TOX3: variants seen among roughly 807,000 people sequenced by gnomAD.
TOX3 encodes TOX high mobility group box family member 3, also known as CAG trinucleotide repeat-containing gene F9 protein.
TOX3 carries 22 observed loss-of-function variants against 64.3 expected under a neutral mutation model. That is an observed-to-expected ratio of 0.34 (90% CI 0.24 to 0.49). The LOEUF is 0.49. Ranked by LOEUF, TOX3 falls within the 20% of genes least tolerant of loss-of-function variation. The pLI is 0.99. For synonymous variants in TOX3, 291 were observed against 273.6 expected, an observed-to-expected ratio of 1.06 and a Z score of -0.63; for missense variants, 661 against 714.4, an observed-to-expected ratio of 0.93 and a Z score of 0.85.
At chr16:52,536,508 G>A (rs1308523075) in intron 1 of TOX3, among the ~76,000 whole-genome samples, 7 of 150,094 alleles carry the variant, frequency 4.7e-5, no homozygotes, top group Admixed American at 1.3e-4. Context: ...AGAAAATGAG[G>A]TAGGAAAAGT....
At chr16:52,502,337 T>C (rs1962025767) in intron 1 of TOX3, among the ~76,000 whole-genome samples, 1 of 152,228 alleles carries the variant, frequency 6.6e-6, no homozygotes, top group Non-Finnish European at 1.5e-5. Context: ...TGTCCTCATA[T>C]GTTAGCCAGA....
intron 1 of TOX3, among the ~76,000 whole-genome samples, chr16:52,471,138 T>C (rs1410326417): frequency 6.6e-6 from 1 of 152,166 alleles, no homozygotes; most frequent in Non-Finnish European, 1.5e-5. Context: ...CCATGCACTA[T>C]TTGGGGTATA....
At chr16:52,532,530 A>T (rs1291058693) in intron 1 of TOX3, among the ~76,000 whole-genome samples, 1 of 152,358 alleles carries the variant, frequency 6.6e-6, no homozygotes. Flanking sequence ...CAAACACATA[A>T]GAGACCCAGA....
At chr16:52,534,162 G>C (rs1309195735) in intron 1 of TOX3, among the ~76,000 whole-genome samples, 1 of 152,154 alleles carries the variant, frequency 6.6e-6, no homozygotes, top group Non-Finnish European at 1.5e-5. Flanking sequence ...CGCAGCAAAG[G>C]CCCAGGGACA....
chr16:52,539,644 T>C (rs1963032917), intron 1 of TOX3, among the ~76,000 whole-genome samples: 1 of 152,216 alleles, frequency 6.6e-6, no homozygotes, highest in Non-Finnish European at 1.5e-5. Context: ...TCTGCTTTAC[T>C]ACAAACAGAA....
chr16:52,483,706 T>C (rs1961430274), intron 1 of TOX3, among the ~76,000 whole-genome samples: 1 of 151,488 alleles, frequency 6.6e-6, no homozygotes, highest in Non-Finnish European at 1.5e-5. Context: ...GTAGCTTGGA[T>C]TACAGGTGCC....
At chr16:52,458,634 A>G (rs1960599724) in intron 3 of TOX3, among the ~76,000 whole-genome samples, 1 of 152,224 alleles carries the variant, frequency 6.6e-6, no homozygotes, top group Admixed American at 6.5e-5. Flanking sequence ...ATCACACTGC[A>G]CAAGGTCTAA....
rs574634087 is a variant in TOX3 at position 52,510,778 on chromosome 16, A to AAAAAAAG, written c.87+35858_87+35859insCTTTTTT. 7.3e-3 allele frequency among the ~76,000 whole-genome samples: 836 copies of AAAAAAAG among 114,908 alleles called. 26 individuals carry two copies. Among genetic ancestry groups the AAAAAAAG allele is most frequent in the Middle Eastern group, 0.017 (3 of 180 alleles). 75.4% of individuals were successfully genotyped at this position (114,908 alleles called of 152,430 possible). ...CTGTCTCAAAAAAAAAAAAAAAAAA[A>AAAAAAAG]AAGAAGAAGAAGAAGAAGAAAAAGA... is the stretch of plus-strand genomic sequence containing the variant. On this transcript the variant is annotated intron_variant, in intron 1 of 6. Transcript: ENST00000219746.
chr16:52,487,910 G>C (rs966433738), intron 1 of TOX3, among the ~76,000 whole-genome samples: 5 of 152,128 alleles, frequency 3.3e-5, no homozygotes, highest in African/African-American at 1.2e-4. Context: ...TAATGACTAA[G>C]AGGGAAAAGC....
rs762274462 is a variant in TOX3 at position 52,446,015 on chromosome 16, G to C, written c.885C>G (p.Ser295Arg). ...TCACCTGCTTTTGTTCTTCTCCAAGGCTGTCCCACATAGATGCTACAATTT... is the reference window on the plus strand; with the variant it reads ...TCACCTGCTTTTGTTCTTCTCCAAGCCTGTCCCACATAGATGCTACAATTT... ...VSKIVASMWD[S>R]LGEEQKQVYK... Residue 295 changes from serine (S) to arginine (R), a missense_variant, in exon 5 of 7, where the codon AGC becomes AGG. By Grantham distance (110) the Ser-to-Arg change is moderately radical. Transcript: ENST00000219746. 6.2e-7 allele frequency: 1 copy of C among 1,613,682 alleles called. No individual in the cohort carries two copies. The highest frequency in any genetic ancestry group is 1.3e-5 in the African/African-American group (1 of 74,924).
intron 1 of TOX3, among the ~76,000 whole-genome samples, chr16:52,474,256 C>G (rs182432720): frequency 1.1e-4 from 17 of 152,218 alleles, no homozygotes; most frequent in Admixed American, 1.1e-3. Flanking sequence ...CCAACTGTAC[C>G]CAAAATGGAC....
intron 1 of TOX3, among the ~76,000 whole-genome samples, chr16:52,513,334 T>G (rs45507298): frequency 0.017 from 2,534 of 152,308 alleles, 40 homozygotes; most frequent in Non-Finnish European, 0.026. Context: ...GGTATATTCA[T>G]CACAAAGATG....
intron 1 of TOX3, among the ~76,000 whole-genome samples, chr16:52,470,286 G>A (rs1346625646): frequency 3.3e-5 from 5 of 152,200 alleles, no homozygotes; most frequent in Non-Finnish European, 7.3e-5. Context: ...GGATATTTAT[G>A]AGAACCTGGG....
chr16:52,518,889 T>C (rs933815338), intron 1 of TOX3, among the ~76,000 whole-genome samples: 3 of 152,258 alleles, frequency 2.0e-5, no homozygotes, highest in African/African-American at 7.2e-5. Context: ...ATTTCAATAA[T>C]CATTAATATC....
intron 1 of TOX3, 123 bp downstream of exon 1, chr16:52,546,514 T>C (rs1963191729): frequency 2.3e-6 from 2 of 852,942 alleles, no homozygotes; most frequent in Non-Finnish European, 3.5e-6. Context: ...GGCTCAAAGG[T>C]AGAAGAGACA....
chr16:52,533,523 G>C (rs999564646), intron 1 of TOX3, among the ~76,000 whole-genome samples: 1 of 152,136 alleles, frequency 6.6e-6, no homozygotes, highest in Non-Finnish European at 1.5e-5. Context: ...GTTCAACAGA[G>C]AGCAGAGCCT....
chr16:52,507,053 G>A (rs1962179346), intron 1 of TOX3, among the ~76,000 whole-genome samples: 1 of 152,198 alleles, frequency 6.6e-6, no homozygotes, highest in African/African-American at 2.4e-5. Context: ...CACATGTAAT[G>A]TTAAAATGTT....
intron 3 of TOX3, among the ~76,000 whole-genome samples, chr16:52,451,496 T>TG (rs2151746886): frequency 6.6e-6 from 1 of 152,292 alleles, no homozygotes; most frequent in South Asian, 2.1e-4. Flanking sequence ...GACATGTTTT[T>TG]CAAATGACTT....
At position 52,485,254 on chromosome 16, in the gene TOX3, A is replaced by G. The variant is rs879902598; in HGVS notation, c.88-16680T>C. Among the ~76,000 whole-genome samples, 254 of 141,924 alleles carry G rather than the reference A, an allele frequency of 1.8e-3. 1 individual carries two copies. The highest frequency in any genetic ancestry group is 2.9e-3 in the Non-Finnish European group (189 of 66,286). The allele number at this position is 141,924 out of a possible 152,430, so 93.1% of individuals were successfully genotyped here. On this transcript the variant is annotated intron_variant, in intron 1 of 6. Transcript: ENST00000219746. ...TGTGTGTATGTGTGTGTGTATATAT[A>G]TATATATATATATATATACATATCT... is the stretch of plus-strand genomic sequence containing the variant.
Sources: gnomAD v4.1 joint callset for allele counts (sites outside exome capture counted in the v4.1 genomes callset) on GRCh38, gnomAD v4.1.1 for gene constraint, MANE v1.5 for transcripts, NCBI Gene and HGNC (gene_info 2026-07-23, HGNC 2026-07-21) for gene names.